DMXL2: variants seen among roughly 807,000 people sequenced by gnomAD.
DMXL2 encodes the protein Dmx like 2, also known as dmX-like protein 2.
In DMXL2, 103 loss-of-function variants were observed where a neutral mutation model predicts 331.1. That is an observed-to-expected ratio of 0.31 (90% CI 0.27 to 0.37). DMXL2 has a LOEUF of 0.37. DMXL2 is among the 10% of genes least tolerant of loss of function. The probability of loss-of-function intolerance (pLI) is 1.00; values close to 1 mark genes in which losing one functional copy is unlikely to be tolerated. For missense variants in DMXL2, 3,171 were observed against 3,642.9 expected (o/e 0.87, Z 3.33); for synonymous variants, 1,281 against 1,252.1 (o/e 1.02, Z -0.49).
chr15:51,592,655 C>T (rs577769936), intron 1 of DMXL2, among the ~76,000 whole-genome samples: 17 of 152,128 alleles, frequency 1.1e-4, no homozygotes, highest in African/African-American at 3.6e-4. Context: ...AAATGTTAAG[C>T]GCAGCCAGAG....
At chr15:51,582,269 A>C (rs188901567) in intron 1 of DMXL2, among the ~76,000 whole-genome samples, 1 of 152,318 alleles carries the variant, frequency 6.6e-6, no homozygotes, top group East Asian at 1.9e-4. Flanking sequence ...CCTATGTCAC[A>C]AGGTAAATAC....
At chr15:51,477,742 C>T (rs1188013050) in intron 26 of DMXL2, among the ~76,000 whole-genome samples, 4 of 152,058 alleles carry the variant, frequency 2.6e-5, no homozygotes, top group East Asian at 1.9e-4. Flanking sequence ...GCAAAGTACA[C>T]ACTAATGAAG....
intron 30 of DMXL2, 151 bp from the exon 31 acceptor site, chr15:51,465,802 G>T (rs1044678531): frequency 2.3e-5 from 14 of 608,248 alleles, no homozygotes; most frequent in Admixed American, 7.1e-5. Flanking sequence ...CACCTCTGTG[G>T]TCACTGAATA....
At chr15:51,513,768 CA>C (rs1001447850) in intron 15 of DMXL2, among the ~76,000 whole-genome samples, 2 of 151,996 alleles carry the variant, frequency 1.3e-5, no homozygotes, top group Admixed American at 1.3e-4. Context: ...CATGGCTTTT[CA>C]AATAGAACAT....
chr15:51,548,962 A>G (rs530539439), intron 6 of DMXL2, among the ~76,000 whole-genome samples: 2 of 151,358 alleles, frequency 1.3e-5, no homozygotes, highest in East Asian at 1.9e-4. Flanking sequence ...TGTGTTATTT[A>G]TTTATTTAAT....
intron 1 of DMXL2, among the ~76,000 whole-genome samples, chr15:51,597,088 C>T (rs1454494759): frequency 6.6e-6 from 1 of 151,848 alleles, no homozygotes; most frequent in Non-Finnish European, 1.5e-5. Flanking sequence ...AATAAAAAAG[C>T]AGACAAACAT....
intron 19 of DMXL2, 45 bp from the exon 20 acceptor site, chr15:51,491,792 T>G: frequency 2.6e-6 from 4 of 1,514,862 alleles, no homozygotes; most frequent in African/African-American, 2.9e-5. Flanking sequence ...CTGTATCAAA[T>G]AAGAAGAAAA....
At chr15:51,495,909 T>C (rs1006392297) in intron 18 of DMXL2, among the ~76,000 whole-genome samples, 7 of 152,112 alleles carry the variant, frequency 4.6e-5, no homozygotes, top group African/African-American at 1.2e-4. Context: ...CCATTACCTA[T>C]ATCCATCCAT....
chr15:51,601,990 C>T (rs2053258067), intron 1 of DMXL2, among the ~76,000 whole-genome samples: 1 of 152,120 alleles, frequency 6.6e-6, no homozygotes, highest in Admixed American at 6.6e-5. Flanking sequence ...TGAAAAATGA[C>T]ATCATAGCTC....
At chr15:51,453,764 G>A (rs890787725) in intron 40 of DMXL2, 123 bp from the exon 41 acceptor site, 23 of 728,802 alleles carry the variant, frequency 3.2e-5, no homozygotes, top group South Asian at 2.0e-4. Context: ...TTAAAAACTC[G>A]GTCTAGGATA....
chr15:51,599,790 C>T (rs1268837250), intron 1 of DMXL2, among the ~76,000 whole-genome samples: 5 of 152,084 alleles, frequency 3.3e-5, no homozygotes, highest in Non-Finnish European at 7.4e-5. Flanking sequence ...ACCTTCACCT[C>T]CCACGTTCAA....
intron 1 of DMXL2, among the ~76,000 whole-genome samples, chr15:51,615,624 T>C (rs566712277): frequency 6.6e-6 from 1 of 152,280 alleles, no homozygotes; most frequent in African/African-American, 2.4e-5. Context: ...AGAACCTAAA[T>C]GGAGGAAGTG....
rs755254522 is a variant in DMXL2, at chr15:51,474,432, G to A, written c.7125C>T (p.His2375=). Residue 2375 remains histidine (H), a synonymous_variant, in exon 28 of 44, where the codon CAC becomes CAT. Transcript: ENST00000560891. ...SSSELFRLAA[H]PLNNRMWAAV... Reference sequence around the variant, plus strand: ...CAGCCCACATTCGATTATTTAATGGGTGGGCTGCAAGCCGAAATAATTCAC... The same window carrying A: ...CAGCCCACATTCGATTATTTAATGGATGGGCTGCAAGCCGAAATAATTCAC... 1 of 1,614,070 alleles carries A rather than the reference G, an allele frequency of 6.2e-7. No homozygotes were observed. The highest frequency in any genetic ancestry group is 8.5e-7 in the Non-Finnish European group (1 of 1,179,988).
rs139285700 is a variant in DMXL2, at chr15:51,536,778, T to C, written c.1702A>G (p.Ile568Val). 278 of 1,614,026 alleles carry C rather than the reference T, an allele frequency of 1.7e-4. 1 individual carries two copies. In the African/African-American group the frequency reaches 3.5e-3, roughly 20 times the overall value. The change falls in exon 12 of 44, where the codon ATA (isoleucine) becomes GTA (valine). Residue 568 changes from isoleucine (I) to valine (V), a missense_variant. By Grantham distance (29) the Ile-to-Val change is conservative. This residue lies in a region of DMXL2 where 1,674 missense variants were observed against 1,780.2 expected (regional missense o/e 0.94). Coordinates refer to ENST00000560891, the MANE Select transcript of DMXL2 (RefSeq NM_001378457.1). ...TGGTGAGAATCTTTTGTCGCATTTA[T>C]ACAGGCATACATCATGATATTTTTA... is the stretch of plus-strand genomic sequence containing the variant. ...LSKNIMMYAC[I>V]NATKDSHHTL...
chr15:51,610,564 C>A (rs969204297), intron 1 of DMXL2, among the ~76,000 whole-genome samples: 1 of 152,056 alleles, frequency 6.6e-6, no homozygotes, highest in East Asian at 1.9e-4. Flanking sequence ...GTCAGGAGAT[C>A]GAGACCATCC....
chr15:51,559,967 C>G (rs1159797199), intron 6 of DMXL2, among the ~76,000 whole-genome samples: 1 of 152,148 alleles, frequency 6.6e-6, no homozygotes, highest in Non-Finnish European at 1.5e-5. Flanking sequence ...GAAATCCACA[C>G]AAGAGCCTAA....
In DMXL2 at chr15:51,471,256, G is replaced by C; in HGVS notation, c.7359C>G (p.Pro2453=). 6.2e-7 allele frequency: 1 copy of C among 1,613,854 alleles called. No individual in the cohort carries two copies. Among genetic ancestry groups the C allele is most frequent in the Non-Finnish European group, 8.5e-7 (1 of 1,179,908 alleles). ...RPSYKEKFIP[P]ELSMWDYFVA... is the part of the protein sequence containing the mutation. ...CAAAATAATCCCACATACTAAGTTCGGGAGGAATAAATTTTTCTTTGTAAG... is the reference window on the plus strand; with the variant it reads ...CAAAATAATCCCACATACTAAGTTCCGGAGGAATAAATTTTTCTTTGTAAG... The change falls in exon 29 of 44, where the codon CCC becomes CCG. Residue 2453 remains proline (P), a synonymous_variant. Transcript: ENST00000560891.
chr15:51,572,327 T>C (rs1006526146), intron 2 of DMXL2, among the ~76,000 whole-genome samples: 8 of 149,364 alleles, frequency 5.4e-5, no homozygotes, highest in African/African-American at 2.0e-4. Context: ...CAGGACCAGA[T>C]GGATTCACAG....
intron 1 of DMXL2, 150 bp downstream of exon 1, chr15:51,622,309 G>A: frequency 1.0e-6 from 1 of 993,350 alleles, no homozygotes; most frequent in Non-Finnish European, 1.5e-6. Context: ...GGTCCCAGGG[G>A]GAACTAAACC....
Sources: allele counts gnomAD v4.1 joint callset (sites outside exome capture counted in the v4.1 genomes callset), GRCh38; gene constraint gnomAD v4.1.1; regional missense constraint gnomAD v4.1.1; transcripts MANE v1.5; gene names NCBI Gene and HGNC (gene_info 2026-07-23, HGNC 2026-07-21).